SCARB1: variants seen among roughly 807,000 people sequenced by gnomAD.
SCARB1 encodes the protein CD36 and LIMPII analogous 1.
Under a neutral mutation model 57.2 loss-of-function variants are expected in SCARB1, and 30 were observed. The ratio of observed to expected loss-of-function variants is 0.52; its 90% CI spans 0.39 to 0.71. The LOEUF is 0.71. Ranked by LOEUF, SCARB1 falls within the 30% of genes least tolerant of loss-of-function variation. The probability of loss-of-function intolerance (pLI) is 0.00; values close to 1 mark genes in which losing one functional copy is unlikely to be tolerated. For missense variants in SCARB1, 543 were observed against 671.2 expected, an observed-to-expected ratio of 0.81 and a Z score of 2.11; for synonymous variants, 249 against 268.3, an observed-to-expected ratio of 0.93 and a Z score of 0.70.
chr12:124,824,456 T>C (rs749229374), intron 1 of SCARB1, among the ~76,000 whole-genome samples: 6 of 152,248 alleles, frequency 3.9e-5, no homozygotes, highest in Non-Finnish European at 7.3e-5. Flanking sequence ...GTGGTAACGA[T>C]TGCGCAACCT....
In SCARB1 at chr12:124,814,190, G is replaced by C. The variant is rs1950612593; in HGVS notation, c.630+12C>G. On this transcript the variant is annotated intron_variant, in intron 4 of 12. Coordinates refer to ENST00000261693, the MANE Select transcript of SCARB1 (RefSeq NM_005505.5). The surrounding 1 kb of genome is among the most constrained non-coding windows in gnomAD (Gnocchi z 4.7). ...GGCCTGAATCTTTGGCTTCTCACCA[G>C]GCCACACGTACCTCAGCAAATAATC... The C allele has an allele frequency of 1.2e-6, 2 of 1,613,172 alleles. No homozygotes were observed. The highest frequency in any genetic ancestry group is 1.7e-6 in the Non-Finnish European group (2 of 1,179,272).
rs1197220207 is a variant in SCARB1 at position 124,805,123 on chromosome 12, GAAGACAAGAAGACC to G, written c.1009+2624_1009+2637del. Among the ~76,000 whole-genome samples the G allele has an allele frequency of 2.8e-4, 32 of 113,906 alleles. No homozygotes were observed. In the South Asian group the frequency reaches 6.7e-3, roughly 24 times the overall value. 74.7% of individuals were successfully genotyped at this position (113,906 alleles called of 152,430 possible). A position where few individuals can be genotyped will look rare whatever the true frequency, so the allele number is the denominator to read the frequency against. On this transcript the variant is annotated intron_variant, in intron 7 of 12. Transcript: ENST00000261693. ...GCAATGAGCACCAAGACAAGAAGAG[GAAGACAAGAAGACC>G]AAGACAAGAAGACAAGAAGAGGAAG...
At chr12:124,860,875 T>A (rs917800603) in intron 1 of SCARB1, among the ~76,000 whole-genome samples, 4 of 152,204 alleles carry the variant, frequency 2.6e-5, no homozygotes, top group Non-Finnish European at 2.9e-5. Flanking sequence ...TCAGCTGGTA[T>A]CTTTGAATTG....
chr12:124,860,631 A>C (rs1429014778), intron 1 of SCARB1, among the ~76,000 whole-genome samples: 1 of 152,248 alleles, frequency 6.6e-6, no homozygotes, highest in Non-Finnish European at 1.5e-5. Flanking sequence ...CGTAATCATC[A>C]AAACTCAAAC....
intron 1 of SCARB1, among the ~76,000 whole-genome samples, chr12:124,842,883 C>G (rs923285108): frequency 6.6e-6 from 1 of 152,240 alleles, no homozygotes; most frequent in African/African-American, 2.4e-5. Context: ...CCAAGATCCA[C>G]CTAGGTGCCC....
In SCARB1 at chr12:124,782,824, C is replaced by A; in HGVS notation, c.1402-13G>T. The stretch of plus-strand genomic sequence containing the variant: ...AATAGCATTTCTCCTAGAAGATAAC[C>A]AAGCTAATTTATAGTTGACGTTGAA... On this transcript the variant is annotated splice_polypyrimidine_tract_variant and intron_variant, in intron 11 of 12. Coordinates refer to ENST00000261693, the MANE Select transcript of SCARB1 (RefSeq NM_005505.5). 1 of 1,613,930 alleles carries A rather than the reference C, an allele frequency of 6.2e-7. No homozygotes were observed. The highest frequency in any genetic ancestry group is 8.5e-7 in the Non-Finnish European group (1 of 1,179,842).
chr12:124,838,072 A>G (rs941062124), intron 1 of SCARB1, among the ~76,000 whole-genome samples: 5 of 152,228 alleles, frequency 3.3e-5, no homozygotes, highest in African/African-American at 9.6e-5. Flanking sequence ...TCAGCATCAC[A>G]GCAGCAGGGC....
At chr12:124,836,264 C>G (rs1594345387) in intron 1 of SCARB1, among the ~76,000 whole-genome samples, 1 of 152,306 alleles carries the variant, frequency 6.6e-6, no homozygotes, top group East Asian at 1.9e-4. Flanking sequence ...AGGTCTCGCG[C>G]ATGTGTCACT....
rs1180970807 is a variant in SCARB1, at chr12:124,822,700, C to T, written c.127-4993G>A. ...AGGAGTTCAAGACCAGCCTGGGCAA[C>T]ATGGTGAAACCGTGTCTCTACTAAA... On this transcript the variant is annotated intron_variant, in intron 1 of 12. Transcript: ENST00000261693. This position sits in a 1 kb window ranked among gnomAD's most constrained non-coding sequence, Gnocchi z 5.0. 6.6e-6 allele frequency among the ~76,000 whole-genome samples: 1 copy of T among 152,190 alleles called. No homozygotes were observed. Among genetic ancestry groups the T allele is most frequent in the Non-Finnish European group, 1.5e-5 (1 of 68,040 alleles).
At chr12:124,785,299 C>CTCT (rs1566132276) in intron 11 of SCARB1, 2 of 152,686 alleles carry the variant, frequency 1.3e-5, no homozygotes, top group African/African-American at 4.8e-5. Flanking sequence ...CTGTGCACCA[C>CTCT]GAGGCCCTGG....
rs144322489 is a variant in SCARB1, at chr12:124,799,308, T to G, written c.1128+816A>C. Among the ~76,000 whole-genome samples the G allele has an allele frequency of 1.3e-3, 197 of 152,292 alleles. 1 individual carries two copies. The highest frequency in any genetic ancestry group is 4.5e-3 in the African/African-American group (188 of 41,558). On this transcript the variant is annotated intron_variant, in intron 8 of 12. Transcript: ENST00000261693. The stretch of plus-strand genomic sequence containing the variant: ...GGGAGGCCAAGACAGGAGGATCGCT[T>G]GAGCCCAAGAGTTCGAGACCAGACT...
At chr12:124,835,164 AGT>A (rs781539273) in intron 1 of SCARB1, among the ~76,000 whole-genome samples, 3 of 152,170 alleles carry the variant, frequency 2.0e-5, no homozygotes, top group Non-Finnish European at 2.9e-5. Flanking sequence ...AAAAGGGGAA[AGT>A]GTATGGAGGC....
chr12:124,795,510 C>G (rs1241116919), intron 8 of SCARB1, among the ~76,000 whole-genome samples: 1 of 152,162 alleles, frequency 6.6e-6, no homozygotes, highest in Non-Finnish European at 1.5e-5. Flanking sequence ...ACAAGTGCTT[C>G]CCACACAGTT....
intron 5 of SCARB1, among the ~76,000 whole-genome samples, chr12:124,811,173 C>T (rs994344844): frequency 2.0e-5 from 3 of 152,204 alleles, no homozygotes; most frequent in Non-Finnish European, 4.4e-5. Context: ...GAATATATCC[C>T]AAACTGATAA....
intron 6 of SCARB1, 114 bp from the exon 7 acceptor site, chr12:124,808,041 G>A (rs1025341806): frequency 4.9e-6 from 5 of 1,021,582 alleles, no homozygotes; most frequent in African/African-American, 4.7e-5. Flanking sequence ...ACCACCTCCC[G>A]GGTCCAAACC....
chr12:124,848,760 A>G (rs1952265593), intron 1 of SCARB1, among the ~76,000 whole-genome samples: 2 of 152,250 alleles, frequency 1.3e-5, no homozygotes, highest in Non-Finnish European at 2.9e-5. Flanking sequence ...GTTTCCAGGC[A>G]TCTAGAGAAT....
intron 12 of SCARB1, among the ~76,000 whole-genome samples, chr12:124,781,958 T>G (rs1489403600): frequency 2.0e-5 from 3 of 152,142 alleles, no homozygotes. Context: ...CAGGCTGGAG[T>G]GCAGTGGCAC....
At position 124,824,532 on chromosome 12, in the gene SCARB1, T is replaced by C. The variant is rs569842523; in HGVS notation, c.127-6825A>G. Among the ~76,000 whole-genome samples the C allele has an allele frequency of 5.2e-4, 80 of 152,388 alleles. 1 individual carries two copies. Among genetic ancestry groups the C allele is most frequent in the African/African-American group, 1.9e-3 (79 of 41,596 alleles). On this transcript the variant is annotated intron_variant, in intron 1 of 12. Transcript: ENST00000261693. ...TGGTTTTGGTGAATTTTACGTTAAC[T>C]GGATCTTAATCACAATTTCAAAAAG...
rs984815393 is a variant in SCARB1, at chr12:124,863,530, T to TCCCGGCG, written c.126+58_126+64dup. ...CCCACCCACCGCAACGCGCGGGTCC[T>TCCCGGCG]CCCGGCGCCCAGCGCCCAACAGCCC... On this transcript the variant is annotated intron_variant, in intron 1 of 12. Transcript: ENST00000261693. 1.0e-5 allele frequency: 16 copies of TCCCGGCG among 1,547,444 alleles called. No homozygotes were observed. The African/African-American group carries it at 2.0e-4, about 19-fold the overall frequency.
Sources: gnomAD v4.1 joint callset for allele counts (sites outside exome capture counted in the v4.1 genomes callset) on GRCh38, gnomAD v4.1.1 for gene constraint, Gnocchi (gnomAD v3.1) non-coding constraint, MANE v1.5 for transcripts, NCBI Gene and HGNC (gene_info 2026-07-23, HGNC 2026-07-21) for gene names.